Variants in TSC22D3 observed in about 807,000 individuals in gnomAD.
The protein encoded by TSC22D3 is TSC22 domain family protein 3.
In TSC22D3, 4 loss-of-function variants were observed where a neutral mutation model predicts 11.1. That is an observed-to-expected ratio of 0.36 (90% CI 0.18 to 0.83). The LOEUF (loss-of-function observed/expected upper bound fraction) is 0.83. Ranked by LOEUF, TSC22D3 falls within the 40% of genes least tolerant of loss-of-function variation. TSC22D3 has a pLI of 0.48. For missense variants in TSC22D3, 118 were observed against 159.4 expected (o/e 0.74, Z 1.40); for synonymous variants, 77 against 70.3 (o/e 1.10, Z -0.48).
intron 1 of TSC22D3, among the ~76,000 whole-genome samples, chrX:107,770,848 T>C (rs941852134): frequency 8.9e-6 from 1 of 112,697 alleles, no homozygotes; most frequent in Non-Finnish European, 1.9e-5. Flanking sequence ...CTTTTTCATA[T>C]GCTACATTTA....
intron 1 of TSC22D3, among the ~76,000 whole-genome samples, chrX:107,759,078 G>A (rs756385692): frequency 2.7e-5 from 3 of 110,457 alleles, no homozygotes; most frequent in African/African-American, 9.9e-5. Context: ...GTAGAGACAG[G>A]TTTCATCAAA....
chrX:107,766,148 G>A (rs1449477162), intron 1 of TSC22D3, among the ~76,000 whole-genome samples: 2 of 112,247 alleles, frequency 1.8e-5, no homozygotes, highest in Admixed American at 9.4e-5. Context: ...CCTTGAGCTA[G>A]TGGAATATTA....
At chrX:107,738,452 G>T (rs1446750281) in intron 1 of TSC22D3, among the ~76,000 whole-genome samples, 1 of 112,639 alleles carries the variant, frequency 8.9e-6, no homozygotes, top group Non-Finnish European at 1.9e-5. Flanking sequence ...GAGGCTGGGA[G>T]CACAGCCCAG....
chrX:107,740,338 C>T (rs1048206295), intron 1 of TSC22D3, among the ~76,000 whole-genome samples: 1 of 111,894 alleles, frequency 8.9e-6, no homozygotes, highest in Admixed American at 9.4e-5. Flanking sequence ...AATCCCAGCA[C>T]TTTGGGAGGC....
In TSC22D3 at chrX:107,713,644, C is replaced by T. The variant is rs1049796125; in HGVS notation, c.*875G>A. ...GAAAGGGTTGCAGCAGCAAGGCATC[C>T]GTGGCCGCATTCAGAGGCTGGCCCC... On this transcript the variant is annotated 3_prime_UTR_variant, in exon 3 of 3. Transcript: ENST00000372383. 5.3e-5 allele frequency: 6 copies of T among 112,253 alleles called. No homozygotes were observed. The highest frequency in any genetic ancestry group is 3.7e-4 in the South Asian group (1 of 2,705). 9.3% of individuals were successfully genotyped at this position (112,253 alleles called of 1,213,427 possible). A position where few individuals can be genotyped will look rare whatever the true frequency, so the allele number is the denominator to read the frequency against.
intron 1 of TSC22D3, among the ~76,000 whole-genome samples, chrX:107,731,787 C>A (rs1035338177): frequency 9.9e-6 from 1 of 101,020 alleles, no homozygotes; most frequent in Non-Finnish European, 2.0e-5. Context: ...GGGCAGCCTG[C>A]GCTGGGGATA....
intron 1 of TSC22D3, among the ~76,000 whole-genome samples, chrX:107,731,169 T>C (rs192655654): frequency 4.4e-4 from 49 of 112,304 alleles, no homozygotes; most frequent in African/African-American, 1.6e-3. Context: ...AGATGCAGCA[T>C]TGAGAGAAAG....
chrX:107,769,694 A>G (rs1929815368), intron 1 of TSC22D3, among the ~76,000 whole-genome samples: 2 of 103,709 alleles, frequency 1.9e-5, no homozygotes, highest in African/African-American at 7.7e-5. Flanking sequence ...TATGCATATA[A>G]TACATCTCTC....
intron 1 of TSC22D3, among the ~76,000 whole-genome samples, chrX:107,718,286 G>A (rs1298089889): frequency 8.9e-6 from 1 of 112,616 alleles, no homozygotes; most frequent in East Asian, 2.8e-4. Context: ...GAAGGAGCAA[G>A]AGGGGCAGGG....
intron 1 of TSC22D3, among the ~76,000 whole-genome samples, chrX:107,738,744 C>A (rs1424876496): frequency 8.8e-6 from 1 of 113,020 alleles, no homozygotes; most frequent in African/African-American, 3.2e-5. Flanking sequence ...GTCCTTAAGG[C>A]AGTAATTTTT....
At chrX:107,772,246 G>A (rs1929936009) in intron 1 of TSC22D3, among the ~76,000 whole-genome samples, 2 of 111,481 alleles carry the variant, frequency 1.8e-5, no homozygotes, top group African/African-American at 6.5e-5. Flanking sequence ...GGAGGGGTGG[G>A]AGACTAGCTT....
chrX:107,723,958 A>T (rs143458562), intron 1 of TSC22D3, among the ~76,000 whole-genome samples: 5 of 112,599 alleles, frequency 4.4e-5, no homozygotes, highest in African/African-American at 1.6e-4. Flanking sequence ...TCTAGGGAAC[A>T]AAAGGATGGT....
At chrX:107,759,972 C>T (rs1337166910) in intron 1 of TSC22D3, among the ~76,000 whole-genome samples, 3 of 112,516 alleles carry the variant, frequency 2.7e-5, no homozygotes, top group Non-Finnish European at 5.6e-5. Context: ...CCTGGAGCTC[C>T]TGGGGCAAGT....
intron 1 of TSC22D3, among the ~76,000 whole-genome samples, chrX:107,747,963 A>G (rs368371515): frequency 1.8e-5 from 2 of 112,021 alleles, no homozygotes; most frequent in Admixed American, 1.9e-4. Flanking sequence ...ATACCCTATC[A>G]TACCCCAGGC....
chrX:107,729,049 G>A (rs1176309732), intron 1 of TSC22D3, among the ~76,000 whole-genome samples: 3 of 112,490 alleles, frequency 2.7e-5, no homozygotes, highest in Non-Finnish European at 5.6e-5. Context: ...GAGGAGTAGA[G>A]TTTAGGGCAA....
intron 2 of TSC22D3, among the ~76,000 whole-genome samples, chrX:107,714,968 G>A (rs1157562266): frequency 8.9e-6 from 1 of 111,890 alleles, no homozygotes; most frequent in Non-Finnish European, 1.9e-5. Flanking sequence ...TTATGCTGGA[G>A]TTGAGAGCCC....
At position 107,760,126 on chromosome X, in the gene TSC22D3, T is replaced by C. The variant is rs758972000; in HGVS notation, c.320+14974A>G. ...TGGTTGGAACTTTCAAAAAGACCAA[T>C]GTTTCAGCAACTGATTTCTTTTCCA... On this transcript the variant is annotated intron_variant, in intron 1 of 2. Transcript: ENST00000372383. Among the ~76,000 whole-genome samples the C allele has an allele frequency of 1.5e-4, 17 of 113,094 alleles. No homozygotes were observed. In the South Asian group the frequency reaches 5.8e-3, roughly 39 times the overall value.
At chrX:107,734,795 T>C (rs1928048955) in intron 1 of TSC22D3, among the ~76,000 whole-genome samples, 1 of 104,072 alleles carries the variant, frequency 9.6e-6, no homozygotes, top group South Asian at 4.4e-4. Flanking sequence ...TAATAGCTAC[T>C]ACTTATTGAG....
intron 1 of TSC22D3, among the ~76,000 whole-genome samples, chrX:107,755,993 G>C (rs1929159439): frequency 9.0e-6 from 1 of 111,712 alleles, no homozygotes. Context: ...GGCAGAGCAG[G>C]ACACTGGGGA....
Sources: allele counts gnomAD v4.1 joint callset (sites outside exome capture counted in the v4.1 genomes callset), GRCh38; gene constraint gnomAD v4.1.1; transcripts MANE v1.5; gene names NCBI Gene and HGNC (gene_info 2026-07-23, HGNC 2026-07-21).